The following TCHP variants were observed in gnomAD, a reference collection of about 807,000 sequenced individuals.
TCHP encodes trichoplein keratin filament-binding protein.
TCHP carries 81 observed loss-of-function variants against 88.7 expected under a neutral mutation model. That is an observed-to-expected ratio of 0.91 (90% CI 0.76 to 1.10). TCHP has a LOEUF of 1.10. Among genes scored for constraint, TCHP ranks in the 50% least tolerant of loss-of-function variants. The pLI is 0.00. For synonymous variants in TCHP, 232 were observed against 232.5 expected, an observed-to-expected ratio of 1.00 and a Z score of 0.02; for missense variants, 641 against 632.1, an observed-to-expected ratio of 1.01 and a Z score of -0.15.
intron 11 of TCHP, chr12:109,915,186 C>A: frequency 1.6e-6 from 1 of 636,652 alleles, no homozygotes; most frequent in African/African-American, 1.8e-5. Context: ...GAGGTAAGCG[C>A]CACGCATACA....
At chr12:109,902,198 G>C (rs1329604921) in intron 1 of TCHP, among the ~76,000 whole-genome samples, 1 of 152,148 alleles carries the variant, frequency 6.6e-6, no homozygotes, top group Non-Finnish European at 1.5e-5. Context: ...TTTTGAGACA[G>C]AGTCTCACTG....
the TCHP span, among the ~76,000 whole-genome samples, chr12:109,892,302 C>T: frequency 7.2e-5 from 11 of 152,174 alleles, no homozygotes. Context: ...AAGGAAGGGA[C>T]ATTTACACTG....
At chr12:109,882,207 A>T in the TCHP span, among the ~76,000 whole-genome samples, 2 of 152,098 alleles carry the variant, frequency 1.3e-5, no homozygotes, top group African/African-American at 4.8e-5. Context: ...GAGAAGTAGG[A>T]TAGAGCCAGG....
intron 12 of TCHP, 84 bp downstream of exon 12, chr12:109,915,630 C>G (rs528025722): frequency 4.1e-6 from 6 of 1,448,352 alleles, no homozygotes; most frequent in South Asian, 1.4e-5. Flanking sequence ...CTCATCGCCC[C>G]GCGCCGGGGT....
intron 6 of TCHP, 88 bp downstream of exon 6, chr12:109,907,787 G>A (rs1262892298): frequency 7.1e-7 from 1 of 1,416,306 alleles, no homozygotes. Flanking sequence ...CTAAGAAGAG[G>A]CCATAGCAGG....
chr12:109,914,638 GC>G lies in TCHP; in HGVS notation c.1320+14del. On this transcript the variant is annotated intron_variant, in intron 11 of 12. Coordinates refer to ENST00000405876, the MANE Select transcript of TCHP (RefSeq NM_001143852.2). ...GAGCTGGAAGCCCAGGTAGGGCTGA[GC>G]CCAAGGGCGGGAGGCACCGGGCCTG... 1 of 1,606,716 alleles carries G rather than the reference GC, an allele frequency of 6.2e-7. No homozygotes were observed. Among genetic ancestry groups the G allele is most frequent in the Non-Finnish European group, 8.5e-7 (1 of 1,177,636 alleles).
intron 11 of TCHP, chr12:109,914,882 GC>G (rs1369377646): frequency 2.2e-6 from 1 of 457,148 alleles, no homozygotes; most frequent in African/African-American, 2.0e-5. Context: ...CAAGCAGTTG[GC>G]TTACCGGGGG....
chr12:109,884,187 C>CT, the TCHP span, among the ~76,000 whole-genome samples: 208 of 149,616 alleles, frequency 1.4e-3, 2 homozygotes, highest in African/African-American at 3.4e-3. Flanking sequence ...GAGAAAAAAT[C>CT]TTTTTTTTTT....
At chr12:109,884,093 G>A in the TCHP span, among the ~76,000 whole-genome samples, 1 of 152,228 alleles carries the variant, frequency 6.6e-6, no homozygotes, top group Non-Finnish European at 1.5e-5. Context: ...GTGGAAGGCT[G>A]AAGTGGGAGG....
the TCHP span, among the ~76,000 whole-genome samples, chr12:109,881,081 G>C: frequency 6.6e-6 from 1 of 152,194 alleles, no homozygotes; most frequent in Non-Finnish European, 1.5e-5. Context: ...CCCGAAATCT[G>C]GGGTCCAGTC....
chr12:109,903,062 C>CCAGCAGCGCCTGAAT lies in TCHP; in HGVS notation c.44_58dup (p.Arg15_Gln19dup). 6.2e-7 allele frequency: 1 copy of CCAGCAGCGCCTGAAT among 1,612,958 alleles called. No homozygotes were observed. Among genetic ancestry groups the CCAGCAGCGCCTGAAT allele is most frequent in the Non-Finnish European group, 8.5e-7 (1 of 1,179,292 alleles). ...CGACGCTGCCGTCCTACTGGTGCAG[C>CCAGCAGCGCCTGAAT]CAGCAGCGCCTGAATCAGCAGCTAG... On this transcript the variant is annotated inframe_insertion, in exon 2 of 13. Transcript: ENST00000405876. The surrounding 1 kb of genome is among the most constrained non-coding windows in gnomAD (Gnocchi z 4.6).
In TCHP at chr12:109,911,197, G is replaced by A. The variant is rs563284700; in HGVS notation, c.1014G>A (p.Leu338=). 40 of 1,588,772 alleles carry A rather than the reference G, an allele frequency of 2.5e-5. No homozygotes were observed. The highest frequency in any genetic ancestry group is 3.3e-5 in the Non-Finnish European group (39 of 1,170,324). ...MKQAIEEQLQ[L]ERAREAELQM... is the part of the protein sequence containing the mutation. ...AGGCCATTGAGGAGCAGCTGCAGCTGGAGCGGGCGCGGGAGGCAGAGCTGC... is the reference window on the plus strand; with the variant it reads ...AGGCCATTGAGGAGCAGCTGCAGCTAGAGCGGGCGCGGGAGGCAGAGCTGC... The change falls in exon 9 of 13, where the codon CTG becomes CTA. Residue 338 remains leucine, a synonymous_variant. Coordinates refer to ENST00000405876, the MANE Select transcript of TCHP (RefSeq NM_001143852.2).
chr12:109,908,720 C>CA (rs769875981), intron 7 of TCHP, 22 bp downstream of exon 7: 4 of 1,578,670 alleles, frequency 2.5e-6, no homozygotes, highest in Non-Finnish European at 3.4e-6. Flanking sequence ...AAGGGCCCCC[C>CA]ACTCTTCCCA....
chr12:109,882,947 G>A, the TCHP span, among the ~76,000 whole-genome samples: 8 of 151,862 alleles, frequency 5.3e-5, no homozygotes, highest in African/African-American at 1.7e-4. Context: ...GTGAACCACC[G>A]CGCCTGGCCA....
At chr12:109,896,991 G>T (rs1431704471), upstream of TCHP, among the ~76,000 whole-genome samples, 1 of 152,132 alleles carries the variant, frequency 6.6e-6, no homozygotes, top group African/African-American at 2.4e-5. Context: ...GCATGGCATG[G>T]GGAATGCAGC....
the TCHP span, among the ~76,000 whole-genome samples, chr12:109,891,685 G>T: frequency 6.6e-6 from 1 of 151,068 alleles, no homozygotes; most frequent in East Asian, 2.0e-4. Context: ...ATAGGTGTAA[G>T]CCACTGTGCC....
Position 109,915,413 on chromosome 12 carries a change from G to A in TCHP, c.1331G>A (p.Arg444His), listed in dbSNP as rs149111537. 211 of 1,614,046 alleles carry A rather than the reference G, an allele frequency of 1.3e-4. No homozygotes were observed. The highest frequency in any genetic ancestry group is 1.7e-4 in the Non-Finnish European group (202 of 1,180,044). The change falls in exon 12 of 13, where the codon CGC (arginine) becomes CAC (histidine). Residue 444 changes from arginine (R) to histidine (H), a missense_variant. Coordinates refer to ENST00000405876, the MANE Select transcript of TCHP (RefSeq NM_001143852.2). ...KQELEAQVAE[R>H]RLQAWEADQQ... ...GCTCTTGGCACTCAGGTTGCAGAGC[G>A]CCGGCTGCAGGCATGGGAAGCAGAC...
chr12:109,906,695 C>T (rs1448476987), intron 5 of TCHP, 55 bp downstream of exon 5: 15 of 1,454,464 alleles, frequency 1.0e-5, no homozygotes, highest in South Asian at 3.4e-5. Flanking sequence ...AGACTGTTCA[C>T]GTCTTTGCAT....
At chr12:109,912,946 C>T in intron 9 of TCHP, 45 bp from the exon 10 acceptor site, 1 of 1,576,272 alleles carries the variant, frequency 6.3e-7, no homozygotes, top group Non-Finnish European at 8.7e-7. Flanking sequence ...CGCTTCCTGC[C>T]AGGGCGGGGA....
Sources: gnomAD v4.1 joint callset for allele counts (sites outside exome capture counted in the v4.1 genomes callset) on GRCh38, gnomAD v4.1.1 for gene constraint, Gnocchi (gnomAD v3.1) non-coding constraint, MANE v1.5 for transcripts, NCBI Gene and HGNC (gene_info 2026-07-23, HGNC 2026-07-21) for gene names.